The following CYYR1 variants were observed in gnomAD, a reference collection of about 807,000 sequenced individuals.
CYYR1 encodes the protein cysteine and tyrosine-rich protein 1.
A neutral mutation model predicts 15.2 loss-of-function variants in CYYR1; 14 were observed. The observed-to-expected ratio is 0.92, with a 90% CI of 0.61 to 1.44. The LOEUF (loss-of-function observed/expected upper bound fraction) is 1.44, where lower values mean the gene tolerates loss of function less well. Among genes scored for constraint, CYYR1 ranks in the 40% most tolerant of loss-of-function variants. The pLI is 0.00. For missense variants in CYYR1, 228 were observed against 209.5 expected, an observed-to-expected ratio of 1.09 and a Z score of -0.54; for synonymous variants, 80 against 77.4, an observed-to-expected ratio of 1.03 and a Z score of -0.18.
chr21:26,468,420 C>G lies in CYYR1; in HGVS notation c.*81G>C, dbSNP rs946593047. On this transcript the variant is annotated 3_prime_UTR_variant, in exon 4 of 4. Coordinates refer to ENST00000652641, the MANE Select transcript of CYYR1 (RefSeq NM_001320768.2). ...CCAAAAAGTATTCCTTGGAGCAATT[C>G]TTTCCTGCCTGTTTCTGAGTAGAGG... 1.1e-6 allele frequency: 1 copy of G among 926,572 alleles called. No individual in the cohort carries two copies. Among genetic ancestry groups the G allele is most frequent in the African/African-American group, 1.6e-5 (1 of 61,704 alleles). The allele number at this position is 926,572 out of a possible 1,614,324, so 57.4% of individuals were successfully genotyped here.
chr21:26,567,216 C>T (rs1465069473), intron 1 of CYYR1, among the ~76,000 whole-genome samples: 1 of 152,064 alleles, frequency 6.6e-6, no homozygotes, highest in Non-Finnish European at 1.5e-5. Context: ...TGTGTGGTAA[C>T]ACAATGAGTC....
chr21:26,471,231 C>T (rs2065029357), intron 3 of CYYR1: 1 of 152,162 alleles, frequency 6.6e-6, no homozygotes, highest in Non-Finnish European at 1.5e-5. Context: ...ACCCATTGAT[C>T]TGTTTCTTAT....
chr21:26,542,732 A>C (rs1978662125), intron 2 of CYYR1, among the ~76,000 whole-genome samples: 1 of 152,210 alleles, frequency 6.6e-6, no homozygotes, highest in African/African-American at 2.4e-5. Flanking sequence ...AATCCTAATC[A>C]ATGTATAAAG....
chr21:26,551,829 G>C lies in CYYR1; in HGVS notation c.176+14437C>G, dbSNP rs1979409269. 2.6e-5 allele frequency: 7 copies of C among 268,408 alleles called. No homozygotes were observed. In the South Asian group the frequency reaches 2.7e-4, roughly 10 times the overall value. The allele number at this position is 268,408 out of a possible 1,614,324, so 16.6% of individuals were successfully genotyped here. On this transcript the variant is annotated intron_variant, in intron 2 of 3. Coordinates refer to ENST00000652641, the MANE Select transcript of CYYR1 (RefSeq NM_001320768.2). ...CATAAACTTAGTTGATAAAGCAGCA[G>C]TAGGGTTTAGAAGGATTGACTCCAA...
intron 2 of CYYR1, among the ~76,000 whole-genome samples, chr21:26,491,636 A>G (rs2065330719): frequency 6.6e-6 from 1 of 152,208 alleles, no homozygotes. Context: ...TAAAGATTCT[A>G]ATAAAACTCA....
chr21:26,504,469 A>G (rs2065527638), intron 2 of CYYR1, among the ~76,000 whole-genome samples: 1 of 152,014 alleles, frequency 6.6e-6, no homozygotes, highest in Non-Finnish European at 1.5e-5. Flanking sequence ...ATGGGGTTTA[A>G]CCATATTGGC....
chr21:26,539,059 A>G (rs1045340336), intron 2 of CYYR1, among the ~76,000 whole-genome samples: 2 of 152,174 alleles, frequency 1.3e-5, no homozygotes, highest in African/African-American at 4.8e-5. Flanking sequence ...TGTGATTTTT[A>G]TTGGTCACAA....
intron 2 of CYYR1, among the ~76,000 whole-genome samples, chr21:26,542,295 G>GC (rs1978624820): frequency 6.9e-6 from 1 of 145,108 alleles, no homozygotes; most frequent in African/African-American, 2.6e-5. Context: ...GTGTGCGTGT[G>GC]TGTGTGTGTG....
At chr21:26,561,281 C>T (rs1271221265) in intron 2 of CYYR1, among the ~76,000 whole-genome samples, 1 of 151,190 alleles carries the variant, frequency 6.6e-6, no homozygotes, top group Non-Finnish European at 1.5e-5. Flanking sequence ...TATCTAATTA[C>T]TAAGATTATT....
chr21:26,470,886 C>T (rs1169943571), intron 3 of CYYR1: 2 of 152,446 alleles, frequency 1.3e-5, no homozygotes, highest in East Asian at 3.9e-4. Flanking sequence ...GGGATGTCCC[C>T]TGAGCACTCC....
intron 2 of CYYR1, among the ~76,000 whole-genome samples, chr21:26,561,235 G>C (rs997779730): frequency 6.6e-6 from 1 of 151,106 alleles, no homozygotes; most frequent in African/African-American, 2.4e-5. Context: ...CACAAGCTTT[G>C]ATTTCTTCAG....
intron 2 of CYYR1, among the ~76,000 whole-genome samples, chr21:26,564,437 AT>A (rs1394768446): frequency 2.0e-5 from 3 of 152,042 alleles, no homozygotes; most frequent in South Asian, 2.1e-4. Context: ...CTGAAACACG[AT>A]TTTTTCCCCC....
At position 26,536,626 on chromosome 21, in the gene CYYR1, TAGG is replaced by T. The variant is rs755487440; in HGVS notation, c.176+29637_176+29639del. Among the ~76,000 whole-genome samples the T allele has an allele frequency of 9.0e-3, 1,378 of 152,294 alleles. 15 individuals carry two copies. Among genetic ancestry groups the T allele is most frequent in the Admixed American group, 0.016 (244 of 15,276 alleles). On this transcript the variant is annotated intron_variant, in intron 2 of 3. Coordinates refer to ENST00000652641, the MANE Select transcript of CYYR1 (RefSeq NM_001320768.2). Reference sequence around the variant, plus strand: ...AGCTTTGCTTTTAAAATTCAATACTTAGGTAGAAAGAAAATGATAACTTTTTCC... The same window carrying T: ...AGCTTTGCTTTTAAAATTCAATACTTTAGAAAGAAAATGATAACTTTTTCC...
chr21:26,558,424 A>C (rs1018185395), intron 2 of CYYR1, among the ~76,000 whole-genome samples: 1 of 152,090 alleles, frequency 6.6e-6, no homozygotes, highest in Non-Finnish European at 1.5e-5. Context: ...GGCTCAGGCA[A>C]TCCTCCCACC....
chr21:26,531,305 G>A (rs902937196), intron 2 of CYYR1, among the ~76,000 whole-genome samples: 5 of 151,992 alleles, frequency 3.3e-5, no homozygotes, highest in Admixed American at 2.6e-4. Context: ...TTCTCATCCC[G>A]CGGCTGAAAT....
intron 1 of CYYR1, chr21:26,569,170 G>C (rs563501022): frequency 4.6e-5 from 7 of 152,096 alleles, no homozygotes; most frequent in Non-Finnish European, 7.4e-5. Context: ...ATAGTAAAGA[G>C]ACTGATTCAT....
At chr21:26,499,747 C>T (rs961664682) in intron 2 of CYYR1, among the ~76,000 whole-genome samples, 1 of 151,640 alleles carries the variant, frequency 6.6e-6, no homozygotes, top group Non-Finnish European at 1.5e-5. Flanking sequence ...GTGAGTGGAT[C>T]AGACTGGCTG....
chr21:26,489,973 C>T (rs1194678204), intron 2 of CYYR1, among the ~76,000 whole-genome samples: 1 of 152,088 alleles, frequency 6.6e-6, no homozygotes, highest in Non-Finnish European at 1.5e-5. Context: ...TAACTGACTA[C>T]CACTAGATAG....
At position 26,570,809 on chromosome 21, in the gene CYYR1, GAAA is replaced by G. The variant is rs534995642; in HGVS notation, c.73+2056_73+2058del. Among the ~76,000 whole-genome samples, 8 of 152,210 alleles carry G rather than the reference GAAA, an allele frequency of 5.3e-5. No homozygotes were observed. The South Asian group carries it at 1.7e-3, about 32-fold the overall frequency. ...CATACCTCTTAGTTCCAACCAAACTGAAATATCCTTTGTTGCATGTACAGATCT... is the reference window on the plus strand; with the variant it reads ...CATACCTCTTAGTTCCAACCAAACTGTATCCTTTGTTGCATGTACAGATCT... On this transcript the variant is annotated intron_variant, in intron 1 of 3. Coordinates refer to ENST00000652641, the MANE Select transcript of CYYR1 (RefSeq NM_001320768.2).
Sources: gnomAD v4.1 joint callset for allele counts (sites outside exome capture counted in the v4.1 genomes callset) on GRCh38, gnomAD v4.1.1 for gene constraint, MANE v1.5 for transcripts, NCBI Gene and HGNC (gene_info 2026-07-23, HGNC 2026-07-21) for gene names.